The following ABTB3 variants were observed in gnomAD, a reference collection of about 807,000 sequenced individuals.
The protein encoded by ABTB3 is ankyrin repeat- and BTB/POZ domain-containing protein 3.
chr12:107,391,285 G>T, the ABTB3 span, among the ~76,000 whole-genome samples: 1 of 152,238 alleles, frequency 6.6e-6, no homozygotes, highest in Admixed American at 6.5e-5. Context: ...AGTTCACACA[G>T]TGTGTAAAGT....
the ABTB3 span, among the ~76,000 whole-genome samples, chr12:107,632,234 A>G: frequency 1.3e-5 from 2 of 152,160 alleles, no homozygotes; most frequent in African/African-American, 4.8e-5. Context: ...GCTGTCCGCC[A>G]AAAAAGAAAA....
At chr12:107,508,438 C>CTGTTTT in the ABTB3 span, among the ~76,000 whole-genome samples, 1 of 69,150 alleles carries the variant, frequency 1.4e-5, no homozygotes, top group Non-Finnish European at 2.7e-5. Context: ...AAGATCATTT[C>CTGTTTT]TTTTTTTTTT....
At chr12:107,401,903 A>C in the ABTB3 span, among the ~76,000 whole-genome samples, 1 of 148,150 alleles carries the variant, frequency 6.7e-6, no homozygotes, top group African/African-American at 2.5e-5. Context: ...AGTAGGTAAC[A>C]ACCGCTTAGG....
the ABTB3 span, among the ~76,000 whole-genome samples, chr12:107,409,862 AT>A: frequency 6.6e-6 from 1 of 152,238 alleles, no homozygotes; most frequent in South Asian, 2.1e-4. Flanking sequence ...TTAATAAAAT[AT>A]TTTAAAAAGA....
the ABTB3 span, among the ~76,000 whole-genome samples, chr12:107,588,450 G>A: frequency 6.6e-6 from 1 of 152,182 alleles, no homozygotes; most frequent in East Asian, 1.9e-4. Flanking sequence ...AGCTAGGGAC[G>A]GTTTAAACAA....
the ABTB3 span, among the ~76,000 whole-genome samples, chr12:107,551,834 C>A: frequency 1.3e-5 from 2 of 151,970 alleles, no homozygotes; most frequent in African/African-American, 4.8e-5. Flanking sequence ...CTCACTGCAA[C>A]CTCCACCTCC....
chr12:107,558,215 C>G, the ABTB3 span, among the ~76,000 whole-genome samples: 2 of 152,186 alleles, frequency 1.3e-5, no homozygotes, highest in African/African-American at 4.8e-5. Flanking sequence ...GGGGGCTGGA[C>G]TGCCCATCAG....
At chr12:107,577,516 G>T in the ABTB3 span, among the ~76,000 whole-genome samples, 48 of 152,102 alleles carry the variant, frequency 3.2e-4, no homozygotes, top group African/African-American at 1.1e-3. Context: ...CCATGTCCGT[G>T]TATGTTCTCC....
the ABTB3 span, among the ~76,000 whole-genome samples, chr12:107,339,231 G>C: frequency 2.6e-5 from 4 of 152,100 alleles, no homozygotes; most frequent in Non-Finnish European, 5.9e-5. Flanking sequence ...GGCCCAGCCC[G>C]ATCAAGCTCT....
At chr12:107,501,190 G>T in the ABTB3 span, among the ~76,000 whole-genome samples, 1 of 152,182 alleles carries the variant, frequency 6.6e-6, no homozygotes, top group Non-Finnish European at 1.5e-5. Context: ...TTGGCTCATA[G>T]TAAATGCCAT....
At chr12:107,511,303 T>C in the ABTB3 span, among the ~76,000 whole-genome samples, 1 of 152,340 alleles carries the variant, frequency 6.6e-6, no homozygotes, top group African/African-American at 2.4e-5. Flanking sequence ...CAGTTAGATA[T>C]TGTGCATATG....
the ABTB3 span, among the ~76,000 whole-genome samples, chr12:107,385,066 C>T: frequency 6.6e-6 from 1 of 152,246 alleles, no homozygotes; most frequent in African/African-American, 2.4e-5. Flanking sequence ...TGGATTTAGA[C>T]TCTGATGCCC....
chr12:107,339,758 C>T, the ABTB3 span, among the ~76,000 whole-genome samples: 17 of 151,980 alleles, frequency 1.1e-4, 1 homozygote, highest in African/African-American at 2.9e-4. Flanking sequence ...AGAAATTGGA[C>T]GCCTGCCATA....
At chr12:107,581,342 A>G in the ABTB3 span, 1 of 1,293,788 alleles carries the variant, frequency 7.7e-7, no homozygotes, top group Non-Finnish European at 9.8e-7. Flanking sequence ...CAGGGGAGGG[A>G]GGGCTCCGGC....
At chr12:107,407,965 T>G in the ABTB3 span, among the ~76,000 whole-genome samples, 9 of 152,074 alleles carry the variant, frequency 5.9e-5, no homozygotes, top group Admixed American at 5.9e-4. Flanking sequence ...TGCAAAGTCC[T>G]GGAATGCTTC....
At chr12:107,465,530 A>G in the ABTB3 span, among the ~76,000 whole-genome samples, 1 of 152,196 alleles carries the variant, frequency 6.6e-6, no homozygotes, top group East Asian at 1.9e-4. Flanking sequence ...GGCATCTTCA[A>G]TATAACAGCA....
chr12:107,325,433 C>T, the ABTB3 span, among the ~76,000 whole-genome samples: 1 of 152,164 alleles, frequency 6.6e-6, no homozygotes, highest in Non-Finnish European at 1.5e-5. Flanking sequence ...CACAGAGCAC[C>T]TTTTTAATTA....
chr12:107,568,145 G>A, the ABTB3 span, among the ~76,000 whole-genome samples: 2 of 152,172 alleles, frequency 1.3e-5, no homozygotes, highest in Non-Finnish European at 2.9e-5. Flanking sequence ...GATTCTAGCA[G>A]ACTTGAGATC....
At chr12:107,520,561 A>G in the ABTB3 span, 4 of 1,614,216 alleles carry the variant, frequency 2.5e-6, no homozygotes, top group Non-Finnish European at 3.4e-6. Context: ...GGAACTGCCC[A>G]TGTTCAGCCA....
Sources: allele counts gnomAD v4.1 joint callset (sites outside exome capture counted in the v4.1 genomes callset), GRCh38; gene constraint gnomAD v4.1.1; transcripts MANE v1.5; gene names NCBI Gene and HGNC (gene_info 2026-07-23, HGNC 2026-07-21).